ZNF407: variants seen among roughly 807,000 people sequenced by gnomAD.
ZNF407 encodes the protein zinc finger protein 407.
ZNF407 carries 17 observed loss-of-function variants against 131.2 expected under a neutral mutation model. The ratio of observed to expected loss-of-function variants is 0.13; its 90% CI spans 0.09 to 0.19. The LOEUF (loss-of-function observed/expected upper bound fraction) is 0.19. Among genes scored for constraint, ZNF407 ranks in the 10% least tolerant of loss-of-function variants. The probability of loss-of-function intolerance (pLI) is 1.00; values close to 1 mark genes in which losing one functional copy is unlikely to be tolerated. For synonymous variants in ZNF407, 1,156 were observed against 1,062.0 expected, an observed-to-expected ratio of 1.09 and a Z score of -1.72; for missense variants, 2,681 against 2,830.6, an observed-to-expected ratio of 0.95 and a Z score of 1.20.
intron 1 of ZNF407, among the ~76,000 whole-genome samples, chr18:74,603,767 C>T (rs1196051150): frequency 6.6e-6 from 1 of 152,204 alleles, no homozygotes; most frequent in Non-Finnish European, 1.5e-5. Flanking sequence ...TGATTTCAGG[C>T]ACTTTTCCAT....
chr18:74,627,942 G>A (rs186543406), intron 1 of ZNF407, among the ~76,000 whole-genome samples: 11 of 149,664 alleles, frequency 7.3e-5, no homozygotes, highest in Non-Finnish European at 1.5e-5. Context: ...TGGTTCAGTC[G>A]TAGCTCACTG....
chr18:74,924,332 A>C (rs1192947192), intron 8 of ZNF407, among the ~76,000 whole-genome samples: 1 of 152,106 alleles, frequency 6.6e-6, no homozygotes, highest in Non-Finnish European at 1.5e-5. Flanking sequence ...ATACTTAAAA[A>C]AAAAAACACC....
rs34700805 is a variant in ZNF407 at position 74,706,940 on chromosome 18, CTTTTTTTTTTTT to C, written c.4802+65834_4802+65845del. ...CATTCCACAGGGGCAAAGACAGCAG[CTTTTTTTTTTTT>C]TTTTTTTTTTTTTTTGAGATGGAGT... On this transcript the variant is annotated intron_variant, in intron 3 of 8. Transcript: ENST00000299687. 5.2e-3 allele frequency among the ~76,000 whole-genome samples: 685 copies of C among 132,376 alleles called. 7 individuals carry two copies. The highest frequency in any genetic ancestry group is 7.2e-3 in the Non-Finnish European group (448 of 62,590). 86.8% of individuals were successfully genotyped at this position (132,376 alleles called of 152,430 possible).
chr18:74,724,212 T>C (rs1968104641), intron 3 of ZNF407, among the ~76,000 whole-genome samples: 1 of 152,214 alleles, frequency 6.6e-6, no homozygotes, highest in Non-Finnish European at 1.5e-5. Context: ...TATTTTTAAT[T>C]GATGTAATAA....
At chr18:74,988,096 C>T (rs1235655630) in intron 8 of ZNF407, among the ~76,000 whole-genome samples, 2 of 152,130 alleles carry the variant, frequency 1.3e-5, no homozygotes, top group African/African-American at 2.4e-5. Context: ...GAAACATAGT[C>T]GGAAGGCCAC....
rs869191171 is a variant in ZNF407 at position 74,779,109 on chromosome 18, AT to A, written c.4803-2295del. Reference sequence around the variant, plus strand: ...TTGGCATATATATATATATATATATATTTTTTTTTTTTTTTTTTTTTTTTGA... The same window carrying A: ...TTGGCATATATATATATATATATATATTTTTTTTTTTTTTTTTTTTTTTGA... On this transcript the variant is annotated intron_variant, in intron 3 of 8. Transcript: ENST00000299687. Among the ~76,000 whole-genome samples, 229 of 24,352 alleles carry A rather than the reference AT, an allele frequency of 9.4e-3. 1 individual carries two copies. Among genetic ancestry groups the A allele is most frequent in the Middle Eastern group, 0.036 (1 of 28 alleles). 16.0% of individuals were successfully genotyped at this position (24,352 alleles called of 152,430 possible). A position where few individuals can be genotyped will look rare whatever the true frequency, so the allele number is the denominator to read the frequency against.
At chr18:74,835,931 T>C (rs1246875549) in intron 4 of ZNF407, among the ~76,000 whole-genome samples, 7 of 151,628 alleles carry the variant, frequency 4.6e-5, no homozygotes, top group African/African-American at 1.5e-4. Flanking sequence ...TGCTGCAGTT[T>C]AGTTACAGCT....
chr18:74,706,649 A>G lies in ZNF407; in HGVS notation c.4802+65527A>G, dbSNP rs575915701. ...GCAGCAGCAACAAAAACAATGTGAG[A>G]GAATGTCAGGATGTGATGAATGCTT... On this transcript the variant is annotated intron_variant, in intron 3 of 8. Transcript: ENST00000299687. 2.0e-5 allele frequency among the ~76,000 whole-genome samples: 3 copies of G among 152,324 alleles called. No individual in the cohort carries two copies. The East Asian group carries it at 5.8e-4, about 29-fold the overall frequency.
At chr18:74,883,083 A>G (rs1333814681) in intron 6 of ZNF407, among the ~76,000 whole-genome samples, 1 of 152,170 alleles carries the variant, frequency 6.6e-6, no homozygotes, top group Non-Finnish European at 1.5e-5. Context: ...GAGCTGGCAC[A>G]ACTTTATATT....
At chr18:74,807,009 T>G (rs1346897587) in intron 4 of ZNF407, among the ~76,000 whole-genome samples, 1 of 152,192 alleles carries the variant, frequency 6.6e-6, no homozygotes, top group Non-Finnish European at 1.5e-5. Context: ...AACTGGAAAG[T>G]AAGTGAAGAA....
intron 7 of ZNF407, chr18:74,898,164 C>T (rs1426411440): frequency 1.3e-5 from 2 of 152,170 alleles, no homozygotes; most frequent in Admixed American, 1.3e-4. Flanking sequence ...TATGTATCAG[C>T]GTGTCTGACT....
At chr18:74,986,324 A>G (rs1478915768) in intron 8 of ZNF407, among the ~76,000 whole-genome samples, 3 of 151,948 alleles carry the variant, frequency 2.0e-5, no homozygotes, top group African/African-American at 7.3e-5. Flanking sequence ...AACTTTAACT[A>G]CGTCATGTAC....
intron 3 of ZNF407, among the ~76,000 whole-genome samples, chr18:74,671,677 C>A (rs142325332): frequency 6.6e-6 from 1 of 152,136 alleles, no homozygotes; most frequent in Admixed American, 6.5e-5. Context: ...ATCCATGTAC[C>A]CACAAAGGAC....
intron 7 of ZNF407, among the ~76,000 whole-genome samples, chr18:74,912,350 G>A (rs963083542): frequency 6.6e-6 from 1 of 152,076 alleles, no homozygotes; most frequent in African/African-American, 2.4e-5. Context: ...GGTTCTGGGT[G>A]GGCAGTTGTG....
intron 8 of ZNF407, among the ~76,000 whole-genome samples, chr18:75,001,212 G>A (rs944604215): frequency 3.3e-5 from 5 of 152,112 alleles, no homozygotes; most frequent in South Asian, 2.1e-4. Flanking sequence ...TTGAAGTGCC[G>A]ACTGTAACAA....
chr18:75,019,291 A>G (rs1269672601), intron 8 of ZNF407, among the ~76,000 whole-genome samples: 1 of 152,162 alleles, frequency 6.6e-6, no homozygotes, highest in Non-Finnish European at 1.5e-5. Flanking sequence ...AGATTTTGTG[A>G]CCATAAGGAA....
chr18:74,850,107 AG>A (rs1482694095), intron 4 of ZNF407, among the ~76,000 whole-genome samples: 2 of 152,210 alleles, frequency 1.3e-5, no homozygotes, highest in Non-Finnish European at 2.9e-5. Context: ...TGGAAGTTAA[AG>A]GGTTTTCCAG....
intron 3 of ZNF407, among the ~76,000 whole-genome samples, chr18:74,724,855 A>C (rs573685183): frequency 1.3e-5 from 2 of 152,332 alleles, no homozygotes; most frequent in East Asian, 3.9e-4. Context: ...GATTCCTAGA[A>C]GTAGAATATT....
At chr18:74,921,152 T>A in intron 8 of ZNF407, 1 of 428,986 alleles carries the variant, frequency 2.3e-6, no homozygotes, top group Non-Finnish European at 3.1e-6. Context: ...GCGTAGTGGG[T>A]GGTAACGGTG....
Sources: gnomAD v4.1 joint callset for allele counts (sites outside exome capture counted in the v4.1 genomes callset) on GRCh38, gnomAD v4.1.1 for gene constraint, MANE v1.5 for transcripts, NCBI Gene and HGNC (gene_info 2026-07-23, HGNC 2026-07-21) for gene names.